YEATS2: variants seen among roughly 807,000 people sequenced by gnomAD.
The protein encoded by YEATS2 is YEATS domain-containing protein 2.
Under a neutral mutation model 163.2 loss-of-function variants are expected in YEATS2, and 77 were observed. That is an observed-to-expected ratio of 0.47 (90% CI 0.39 to 0.57). The LOEUF (loss-of-function observed/expected upper bound fraction) is 0.57. YEATS2 is among the 20% of genes least tolerant of loss of function. YEATS2 has a pLI of 0.00. For synonymous variants in YEATS2, 631 were observed against 645.1 expected, an observed-to-expected ratio of 0.98 and a Z score of 0.33; for missense variants, 1,549 against 1,729.8, an observed-to-expected ratio of 0.90 and a Z score of 1.85.
In YEATS2 at chr3:183,746,803, C is replaced by T. The variant is rs529832844; in HGVS notation, c.925-869C>T. On this transcript the variant is annotated intron_variant, in intron 8 of 30. Coordinates refer to ENST00000305135, the MANE Select transcript of YEATS2 (RefSeq NM_018023.5). ...CTCTCATAACTGACTGAGTTGTCCT[C>T]TCTATGTTGGCTGCTAAGAAACTCA... Among the ~76,000 whole-genome samples the T allele has an allele frequency of 3.3e-5, 5 of 152,154 alleles. No individual in the cohort carries two copies. In the South Asian group the frequency reaches 1.0e-3, roughly 32 times the overall value.
chr3:183,747,714 A>G lies in YEATS2; in HGVS notation c.967A>G (p.Thr323Ala). 4 of 1,612,642 alleles carry G rather than the reference A, an allele frequency of 2.5e-6. No individual in the cohort carries two copies. The highest frequency in any genetic ancestry group is 3.4e-6 in the Non-Finnish European group (4 of 1,179,050). ...TGGCTTGCAGACTCTTGGAGCAGAG[A>G]CGGTAGGTTTTTTTCCTACAGTATT... The part of the protein sequence containing the change: ...YTGLQTLGAE[T>A]VVDVELHRHS... Residue 323 changes from threonine to alanine, a missense_variant and splice_region_variant, in exon 9 of 31, where the codon ACG (threonine) becomes GCG (alanine). Transcript: ENST00000305135.
chr3:183,748,257 CT>C (rs1232220476), intron 9 of YEATS2, among the ~76,000 whole-genome samples: 216 of 135,388 alleles, frequency 1.6e-3, no homozygotes, highest in Middle Eastern at 4.0e-3. Flanking sequence ...CCTTCCCCTC[CT>C]TTTTTTTTTT....
At chr3:183,699,114 G>C (rs765687819) in intron 1 of YEATS2, among the ~76,000 whole-genome samples, 3 of 152,126 alleles carry the variant, frequency 2.0e-5, no homozygotes, top group Non-Finnish European at 2.9e-5. Context: ...GACTAGGCCC[G>C]TGGCAGGGAG....
chr3:183,808,802 G>A, intron 29 of YEATS2: 1 of 263,172 alleles, frequency 3.8e-6, no homozygotes, highest in African/African-American at 2.2e-5. Flanking sequence ...GTTGCACTGA[G>A]CCAAGATCGC....
At chr3:183,706,415 G>GATGAC (rs1225496241) in intron 1 of YEATS2, among the ~76,000 whole-genome samples, 1 of 152,096 alleles carries the variant, frequency 6.6e-6, no homozygotes, top group Non-Finnish European at 1.5e-5. Flanking sequence ...TCAAGCAGGG[G>GATGAC]ATGACATGAT....
At chr3:183,709,188 G>A (rs1714928822) in intron 1 of YEATS2, among the ~76,000 whole-genome samples, 1 of 151,284 alleles carries the variant, frequency 6.6e-6, no homozygotes, top group Admixed American at 6.6e-5. Flanking sequence ...TTTTCTTTTT[G>A]GTTTCTAACC....
Position 183,724,464 on chromosome 3 carries a change from G to T in YEATS2, c.583G>T (p.Ala195Ser), listed in dbSNP as rs751603988. 1 of 1,613,942 alleles carries T rather than the reference G, an allele frequency of 6.2e-7. No individual in the cohort carries two copies. The highest frequency in any genetic ancestry group is 8.5e-7 in the Non-Finnish European group (1 of 1,179,932). Reference sequence around the variant, plus strand: ...CTCCCATAAAACAGAACAGCGGAATGCTGATCTCACAGATGAGACTTCACG... The same window carrying T: ...CTCCCATAAAACAGAACAGCGGAATTCTGATCTCACAGATGAGACTTCACG... ...TGSHKTEQRN[A>S]DLTDETSRLF... Residue 195 changes from alanine to serine, a missense_variant, in exon 6 of 31, where the codon GCT (alanine) becomes TCT (serine). Coordinates refer to ENST00000305135, the MANE Select transcript of YEATS2 (RefSeq NM_018023.5).
At chr3:183,708,478 G>A (rs1714854810) in intron 1 of YEATS2, among the ~76,000 whole-genome samples, 1 of 152,102 alleles carries the variant, frequency 6.6e-6, no homozygotes, top group African/African-American at 2.4e-5. Flanking sequence ...CGAATTTCCA[G>A]TGACTGTACA....
At chr3:183,750,519 C>G (rs768983706) in intron 9 of YEATS2, among the ~76,000 whole-genome samples, 1 of 152,126 alleles carries the variant, frequency 6.6e-6, no homozygotes, top group African/African-American at 2.4e-5. Flanking sequence ...TCGTGGTAGC[C>G]GCACCATTTT....
chr3:183,705,284 A>C (rs182166475), intron 1 of YEATS2, among the ~76,000 whole-genome samples: 641 of 152,260 alleles, frequency 4.2e-3, no homozygotes, highest in Non-Finnish European at 7.3e-3. Context: ...TCCTGAGCTC[A>C]AGCGAGTCAC....
In YEATS2 at chr3:183,722,969, A is replaced by G. The variant is rs13318577; in HGVS notation, c.537+833A>G. ...GCCCGACTTAAACCTGAGTGTTTCT[A>G]ATTTTACAGCCTGGAGATTCTGTGC... On this transcript the variant is annotated intron_variant, in intron 5 of 30. Coordinates refer to ENST00000305135, the MANE Select transcript of YEATS2 (RefSeq NM_018023.5). Among the ~76,000 whole-genome samples the G allele has an allele frequency of 9.1e-3, 1,388 of 152,238 alleles. 18 individuals carry two copies. Among genetic ancestry groups the G allele is most frequent in the African/African-American group, 0.03 (1,247 of 41,534 alleles).
chr3:183,754,258 A>G lies in YEATS2; in HGVS notation c.1283A>G (p.Gln428Arg), dbSNP rs776605404. The G allele has an allele frequency of 6.2e-7, 1 of 1,614,202 alleles. No individual in the cohort carries two copies. The highest frequency in any genetic ancestry group is 2.2e-5 in the East Asian group (1 of 44,888). The change falls in exon 11 of 31, where the codon CAG becomes CGG. Residue 428 changes from glutamine (Q) to arginine (R), a missense_variant. Coordinates refer to ENST00000305135, the MANE Select transcript of YEATS2 (RefSeq NM_018023.5). ...TGTTCCCATGGCAATTCAGCTTTCC[A>G]GCCAATAGCATCAAGCTGCAAAATT... ...TFCSHGNSAF[Q>R]PIASSCKIVP...
At chr3:183,755,741 C>A (rs9811847) in intron 11 of YEATS2, among the ~76,000 whole-genome samples, 1 of 82,206 alleles carries the variant, frequency 1.2e-5, no homozygotes. Flanking sequence ...TCCTTCCTTT[C>A]TTTTTTTTTT....
intron 15 of YEATS2, among the ~76,000 whole-genome samples, chr3:183,768,509 C>T (rs905165326): frequency 2.6e-5 from 4 of 152,080 alleles, no homozygotes; most frequent in African/African-American, 7.2e-5. Context: ...GTTTCTGCCA[C>T]ACTCCCAAAA....
chr3:183,803,960 G>A (rs1432004919), intron 26 of YEATS2, 27 bp from the exon 27 acceptor site: 2 of 1,611,858 alleles, frequency 1.2e-6, no homozygotes, highest in Admixed American at 3.3e-5. Context: ...TTTGATTATG[G>A]TTCCAAAAGA....
At chr3:183,800,735 GTCA>G (rs1157469938) in intron 24 of YEATS2, among the ~76,000 whole-genome samples, 167 bp downstream of exon 24, 1 of 152,200 alleles carries the variant, frequency 6.6e-6, no homozygotes, top group Non-Finnish European at 1.5e-5. Context: ...ACAGCTGAGG[GTCA>G]TCATTTTATA....
At chr3:183,699,499 A>G (rs1415336671) in intron 1 of YEATS2, among the ~76,000 whole-genome samples, 1 of 151,658 alleles carries the variant, frequency 6.6e-6, no homozygotes, top group Non-Finnish European at 1.5e-5. Context: ...GCTTGAGCCC[A>G]GATATTCTAG....
rs1721219057 is a variant in YEATS2 at position 183,760,350 on chromosome 3, T to A, written c.1657-1157T>A. 2.1e-5 allele frequency among the ~76,000 whole-genome samples: 3 copies of A among 144,778 alleles called. No individual in the cohort carries two copies. The South Asian group carries it at 7.2e-4, about 35-fold the overall frequency. 95.0% of individuals were successfully genotyped at this position (144,778 alleles called of 152,430 possible). ...TTTTTTTTTTTTTTGAGACAGAGTT[T>A]CGCTCTCGTTGCCAAGGCTGGAGTG... On this transcript the variant is annotated intron_variant, in intron 13 of 30. Coordinates refer to ENST00000305135, the MANE Select transcript of YEATS2 (RefSeq NM_018023.5).
chr3:183,788,827 GGTGGGATGCTTTCTCATT>G lies in YEATS2; in HGVS notation c.2914-1967_2914-1950del, dbSNP rs574140920. Among the ~76,000 whole-genome samples, 444 of 152,280 alleles carry G rather than the reference GGTGGGATGCTTTCTCATT, an allele frequency of 2.9e-3. 3 individuals carry two copies. The highest frequency in any genetic ancestry group is 0.01 in the African/African-American group (433 of 41,560). The stretch of plus-strand genomic sequence containing the variant: ...TTTTGGATGAGAGTCATTTTAACTG[GGTGGGATGCTTTCTCATT>G]GTAGTTTTGATTTGTGTTTCTCTCA... On this transcript the variant is annotated intron_variant, in intron 20 of 30. Coordinates refer to ENST00000305135, the MANE Select transcript of YEATS2 (RefSeq NM_018023.5).
Sources: allele counts gnomAD v4.1 joint callset (sites outside exome capture counted in the v4.1 genomes callset), GRCh38; gene constraint gnomAD v4.1.1; transcripts MANE v1.5; gene names NCBI Gene and HGNC (gene_info 2026-07-23, HGNC 2026-07-21).